RABGAP1: variants seen among roughly 807,000 people sequenced by gnomAD.
The protein encoded by RABGAP1 is rab GTPase-activating protein 1.
In RABGAP1, 23 loss-of-function variants were observed where a neutral mutation model predicts 137.6. That is an observed-to-expected ratio of 0.17 (90% CI 0.12 to 0.24). The LOEUF (loss-of-function observed/expected upper bound fraction) is 0.24, where lower values mean the gene tolerates loss of function less well. Ranked by LOEUF, RABGAP1 falls within the 10% of genes least tolerant of loss-of-function variation. RABGAP1 has a pLI of 1.00. For missense variants in RABGAP1, 906 were observed against 1,275.8 expected, an observed-to-expected ratio of 0.71 and a Z score of 4.42; for synonymous variants, 451 against 450.7, an observed-to-expected ratio of 1.00 and a Z score of -0.01.
chr9:123,097,908 T>C, intron 22 of RABGAP1, 63 bp downstream of exon 22: 1 of 1,422,028 alleles, frequency 7.0e-7, no homozygotes, highest in Middle Eastern at 1.8e-4. Context: ...GTTCAGCTGG[T>C]GGCTTCCTGT....
chr9:123,065,870 G>T (rs574582828), intron 14 of RABGAP1, among the ~76,000 whole-genome samples: 1 of 152,306 alleles, frequency 6.6e-6, no homozygotes, highest in African/African-American at 2.4e-5. Flanking sequence ...TGTACTTATA[G>T]CACTGCAGCA....
chr9:122,965,025 T>C (rs1272521356), intron 2 of RABGAP1, among the ~76,000 whole-genome samples: 1 of 151,654 alleles, frequency 6.6e-6, no homozygotes, highest in Non-Finnish European at 1.5e-5. Context: ...TCAAGAAAAG[T>C]GAAAAACAAC....
At chr9:123,008,254 T>C (rs2030480240) in intron 10 of RABGAP1, among the ~76,000 whole-genome samples, 1 of 152,170 alleles carries the variant, frequency 6.6e-6, no homozygotes, top group Admixed American at 6.5e-5. Context: ...GGTTTGTTTA[T>C]TTTTAAGATA....
chr9:123,100,383 ATGTGTGTGTGTGTGTG>A (rs56811028), intron 24 of RABGAP1, among the ~76,000 whole-genome samples: 6,819 of 136,294 alleles, frequency 0.05, 216 homozygotes, highest in Non-Finnish European at 0.063. Context: ...GTTTAACCAG[ATGTGTGTGTGTGTGTG>A]TGTGTGTGTG....
intron 10 of RABGAP1, among the ~76,000 whole-genome samples, chr9:123,010,081 A>G (rs2131875256): frequency 6.6e-6 from 1 of 152,302 alleles, no homozygotes; most frequent in Non-Finnish European, 1.5e-5. Flanking sequence ...TTGAAGACAA[A>G]CCAATATGGT....
chr9:123,099,407 C>A, intron 23 of RABGAP1, 71 bp from the exon 24 acceptor site: 1 of 1,382,420 alleles, frequency 7.2e-7, no homozygotes. Flanking sequence ...CATATTCCAG[C>A]TTCCACTATG....
chr9:122,941,595 T>C (rs1564344224), intron 1 of RABGAP1, among the ~76,000 whole-genome samples: 2 of 152,242 alleles, frequency 1.3e-5, no homozygotes, highest in African/African-American at 2.4e-5. Flanking sequence ...GTTTTCACTG[T>C]CGCTTTGCCA....
chr9:123,015,246 A>G (rs2031129594), intron 11 of RABGAP1, among the ~76,000 whole-genome samples: 1 of 151,466 alleles, frequency 6.6e-6, no homozygotes. Flanking sequence ...AATGAGAGAA[A>G]ATACCATATT....
intron 14 of RABGAP1, among the ~76,000 whole-genome samples, chr9:123,066,159 A>G: frequency 6.6e-6 from 1 of 152,220 alleles, no homozygotes; most frequent in South Asian, 2.1e-4. Flanking sequence ...CTAATGCTAT[A>G]TGACAACTGG....
intron 11 of RABGAP1, among the ~76,000 whole-genome samples, chr9:123,015,049 GA>G (rs2031112415): frequency 6.6e-6 from 1 of 152,056 alleles, no homozygotes; most frequent in Non-Finnish European, 1.5e-5. Flanking sequence ...TTTGGGTGGG[GA>G]CACAGAGCCA....
At chr9:122,953,079 C>T (rs1280077124) in intron 1 of RABGAP1, among the ~76,000 whole-genome samples, 1 of 152,016 alleles carries the variant, frequency 6.6e-6, no homozygotes, top group Non-Finnish European at 1.5e-5. Flanking sequence ...TTTATTTTTT[C>T]CTCAGTAATG....
Position 123,029,163 on chromosome 9 carries a change from C to A in RABGAP1, c.1794+8704C>A, listed in dbSNP as rs1373070443. 2.0e-5 allele frequency among the ~76,000 whole-genome samples: 3 copies of A among 152,030 alleles called. No homozygotes were observed. The East Asian group carries it at 5.8e-4, about 29-fold the overall frequency. On this transcript the variant is annotated intron_variant, in intron 13 of 25. Coordinates refer to ENST00000373647, the MANE Select transcript of RABGAP1 (RefSeq NM_012197.4). Reference sequence around the variant, plus strand: ...TTTCAGAGGTAGAGTCCTTGGCACTCACTTGATGACTGAATGAATGTGGGA... The same window carrying A: ...TTTCAGAGGTAGAGTCCTTGGCACTAACTTGATGACTGAATGAATGTGGGA...
At chr9:123,091,833 T>TTGAA (rs1272759059) in intron 21 of RABGAP1, among the ~76,000 whole-genome samples, 1 of 151,828 alleles carries the variant, frequency 6.6e-6, no homozygotes, top group Non-Finnish European at 1.5e-5. Context: ...CAGGGTTGAG[T>TTGAA]TTCCTCCTTA....
intron 10 of RABGAP1, among the ~76,000 whole-genome samples, chr9:123,004,629 C>T (rs1197589586): frequency 1.3e-5 from 2 of 152,092 alleles, no homozygotes; most frequent in Admixed American, 6.5e-5. Context: ...TGATATTTAC[C>T]TGATTCAGTT....
intron 10 of RABGAP1, among the ~76,000 whole-genome samples, chr9:122,999,046 T>C (rs1470135559): frequency 6.6e-6 from 1 of 152,216 alleles, no homozygotes; most frequent in Non-Finnish European, 1.5e-5. Context: ...CTTAAACTTC[T>C]CTAGATGAAA....
intron 13 of RABGAP1, among the ~76,000 whole-genome samples, chr9:123,038,544 C>T (rs2032790212): frequency 6.6e-6 from 1 of 151,948 alleles, no homozygotes; most frequent in South Asian, 2.1e-4. Context: ...TTTAATTTCA[C>T]TGAGTATGTT....
intron 2 of RABGAP1, among the ~76,000 whole-genome samples, chr9:122,974,478 C>T (rs187429090): frequency 6.5e-4 from 82 of 127,102 alleles, no homozygotes; most frequent in South Asian, 2.4e-3. Context: ...GAAAACCAGG[C>T]AGTAAGAGAA....
intron 21 of RABGAP1, among the ~76,000 whole-genome samples, chr9:123,097,054 G>A (rs1445582733): frequency 6.6e-6 from 1 of 152,190 alleles, no homozygotes; most frequent in Non-Finnish European, 1.5e-5. Flanking sequence ...TAGTCCTTGA[G>A]TCTTCTCTAA....
At chr9:123,065,045 A>G (rs1310597007) in intron 13 of RABGAP1, among the ~76,000 whole-genome samples, 1 of 152,208 alleles carries the variant, frequency 6.6e-6, no homozygotes, top group African/African-American at 2.4e-5. Flanking sequence ...TCCATTCTTA[A>G]TAGCACATTT....
Sources: allele counts gnomAD v4.1 joint callset (sites outside exome capture counted in the v4.1 genomes callset), GRCh38; gene constraint gnomAD v4.1.1; transcripts MANE v1.5; gene names NCBI Gene and HGNC (gene_info 2026-07-23, HGNC 2026-07-21).